Variants in SSH2 observed in about 807,000 individuals in gnomAD.
The protein encoded by SSH2 is protein phosphatase Slingshot homolog 2.
In SSH2, 37 loss-of-function variants were observed where a neutral mutation model predicts 135.2. The observed-to-expected ratio is 0.27, with a 90% CI of 0.21 to 0.36. The LOEUF is 0.36. Ranked by LOEUF, SSH2 falls within the 10% of genes least tolerant of loss-of-function variation. The probability of loss-of-function intolerance (pLI) is 1.00; values close to 1 mark genes in which losing one functional copy is unlikely to be tolerated. For synonymous variants in SSH2, 628 were observed against 646.2 expected (o/e 0.97, Z 0.43); for missense variants, 1,408 against 1,765.3 (o/e 0.80, Z 3.63).
At chr17:29,892,903 TC>T in intron 1 of SSH2, among the ~76,000 whole-genome samples, 1 of 152,162 alleles carries the variant, frequency 6.6e-6, no homozygotes, top group Non-Finnish European at 1.5e-5. Flanking sequence ...TTCTCAGATC[TC>T]TTCCAAATAA....
intron 5 of SSH2, among the ~76,000 whole-genome samples, chr17:29,687,620 C>G (rs551541271): frequency 6.6e-6 from 1 of 152,316 alleles, no homozygotes; most frequent in Non-Finnish European, 1.5e-5. Context: ...TGTAGAAACA[C>G]TCTACAACAT....
At position 29,809,991 on chromosome 17, in the gene SSH2, C is replaced by T. The variant is rs910387323; in HGVS notation, c.145-16054G>A. 7.9e-5 allele frequency among the ~76,000 whole-genome samples: 12 copies of T among 152,208 alleles called. 1 individual carries two copies. Among genetic ancestry groups the T allele is most frequent in the Admixed American group, 3.9e-4 (6 of 15,276 alleles). On this transcript the variant is annotated intron_variant, in intron 2 of 15. Coordinates refer to ENST00000540801, the MANE Select transcript of SSH2 (RefSeq NM_001282129.2). ...CAGTTCTCTAGTGTAGCAATTCTCA[C>T]ACTGCCTGTTTACTTGTTGGTCTCC...
chr17:29,722,460 T>C (rs1193964280), intron 3 of SSH2, among the ~76,000 whole-genome samples: 1 of 152,132 alleles, frequency 6.6e-6, no homozygotes, highest in South Asian at 2.1e-4. Context: ...ACTGATAAGC[T>C]GCAATGTCCT....
chr17:29,702,364 AAC>A (rs2151123195), intron 4 of SSH2, among the ~76,000 whole-genome samples: 1 of 151,460 alleles, frequency 6.6e-6, no homozygotes, highest in Non-Finnish European at 1.5e-5. Context: ...AAAAAAAAAA[AAC>A]AACCCTGGCC....
chr17:29,706,357 G>A (rs1311712103), intron 3 of SSH2, among the ~76,000 whole-genome samples: 1 of 152,154 alleles, frequency 6.6e-6, no homozygotes, highest in Non-Finnish European at 1.5e-5. Context: ...AAAAACAAAA[G>A]AATCCACAGA....
Position 29,684,598 on chromosome 17 carries a change from G to A in SSH2, c.444C>T (p.Ser148=), listed in dbSNP as rs2038131977. 2 of 1,613,034 alleles carry A rather than the reference G, an allele frequency of 1.2e-6. No individual in the cohort carries two copies. The highest frequency in any genetic ancestry group is 1.3e-5 in the African/African-American group (1 of 74,774). ...AGGAGAAATCCATTCCTAGGACGAT[G>A]CTTTCTTCAGTGTCTTGTCTACCAT... ...STNGRQDTEE[S]IVLGMDFSSN... The change falls in exon 6 of 16, where the codon AGC becomes AGT. Residue 148 remains serine (S), a synonymous_variant. Transcript: ENST00000540801.
intron 1 of SSH2, among the ~76,000 whole-genome samples, chr17:29,916,669 T>C (rs2066887373): frequency 6.6e-6 from 1 of 152,058 alleles, no homozygotes; most frequent in South Asian, 2.1e-4. Context: ...GAAATAAAAA[T>C]ACTTTTAGGG....
chr17:29,861,761 G>A (rs1424979879), intron 1 of SSH2, among the ~76,000 whole-genome samples: 1 of 152,128 alleles, frequency 6.6e-6, no homozygotes, highest in East Asian at 1.9e-4. Flanking sequence ...GTTTCACTAT[G>A]TTAGCCAGGC....
At chr17:29,670,261 C>T (rs767373598) in intron 9 of SSH2, among the ~76,000 whole-genome samples, 5 of 152,086 alleles carry the variant, frequency 3.3e-5, no homozygotes, top group Admixed American at 6.6e-5. Context: ...TTAGAATGTG[C>T]TTTTTTGAGC....
At chr17:29,657,574 G>GCTT (rs1316795530) in intron 11 of SSH2, among the ~76,000 whole-genome samples, 1 of 80,078 alleles carries the variant, frequency 1.2e-5, no homozygotes, top group Non-Finnish European at 2.2e-5. Flanking sequence ...CGGCTACTTT[G>GCTT]TTTTTTTTTT....
At chr17:29,830,551 T>G (rs1313576849) in intron 2 of SSH2, among the ~76,000 whole-genome samples, 2 of 152,216 alleles carry the variant, frequency 1.3e-5, no homozygotes, top group Admixed American at 6.5e-5. Flanking sequence ...CTTTCTCCAC[T>G]AGAGTATAAG....
chr17:29,885,155 C>T (rs778537430), intron 1 of SSH2, among the ~76,000 whole-genome samples: 1 of 152,108 alleles, frequency 6.6e-6, no homozygotes, highest in Non-Finnish European at 1.5e-5. Context: ...TCTCCCATCA[C>T]GTGCTTTATT....
chr17:29,872,379 CAAAG>C (rs954296915), intron 1 of SSH2, among the ~76,000 whole-genome samples: 1 of 152,034 alleles, frequency 6.6e-6, no homozygotes, highest in African/African-American at 2.4e-5. Context: ...ACTACATTAA[CAAAG>C]AAAGAAATCT....
At chr17:29,653,468 G>A (rs1430555838) in intron 12 of SSH2, among the ~76,000 whole-genome samples, 1 of 152,104 alleles carries the variant, frequency 6.6e-6, no homozygotes, top group Non-Finnish European at 1.5e-5. Flanking sequence ...ATCTCCAGCT[G>A]GGGTTATATT....
At chr17:29,692,996 T>G (rs890939310) in intron 5 of SSH2, among the ~76,000 whole-genome samples, 22 of 152,324 alleles carry the variant, frequency 1.4e-4, no homozygotes, top group Admixed American at 1.2e-3. Context: ...GGTCTTGCAC[T>G]GTTGCCCAGG....
intron 3 of SSH2, among the ~76,000 whole-genome samples, chr17:29,750,636 C>T (rs1184846902): frequency 2.0e-5 from 3 of 151,648 alleles, no homozygotes; most frequent in Non-Finnish European, 4.4e-5. Flanking sequence ...GATCCTCCTG[C>T]CTCAGCCCCC....
chr17:29,638,829 G>A (rs1358299196), intron 14 of SSH2, among the ~76,000 whole-genome samples: 3 of 151,914 alleles, frequency 2.0e-5, no homozygotes, highest in Non-Finnish European at 2.9e-5. Flanking sequence ...TTATTGGAGT[G>A]AGCCACCAAG....
At chr17:29,760,082 A>T (rs1304889775) in intron 3 of SSH2, among the ~76,000 whole-genome samples, 1 of 152,234 alleles carries the variant, frequency 6.6e-6, no homozygotes, top group African/African-American at 2.4e-5. Flanking sequence ...AAAGAAACTC[A>T]AACGAGTTTA....
chr17:29,773,570 A>T (rs1395197877), intron 3 of SSH2, among the ~76,000 whole-genome samples: 1 of 152,220 alleles, frequency 6.6e-6, no homozygotes, highest in African/African-American at 2.4e-5. Flanking sequence ...ACTTTGTAAG[A>T]TTTCTCCATC....
Sources: allele counts gnomAD v4.1 joint callset (sites outside exome capture counted in the v4.1 genomes callset), GRCh38; gene constraint gnomAD v4.1.1; transcripts MANE v1.5; gene names NCBI Gene and HGNC (gene_info 2026-07-23, HGNC 2026-07-21).